The following RBFOX1 variants were observed in gnomAD, a reference collection of about 807,000 sequenced individuals.
RBFOX1 encodes RNA binding protein fox-1 homolog 1.
Under a neutral mutation model 57.7 loss-of-function variants are expected in RBFOX1, and 8 were observed. The ratio of observed to expected loss-of-function variants is 0.14; its 90% CI spans 0.08 to 0.25. RBFOX1 has a LOEUF of 0.25. RBFOX1 is among the 10% of genes least tolerant of loss of function. The pLI is 1.00. For missense variants in RBFOX1, 611 were observed against 548.5 expected (o/e 1.11, Z -1.14); for synonymous variants, 326 against 222.4 (o/e 1.47, Z -4.15).
rs565504604 is a variant in RBFOX1 at position 7,254,591 on chromosome 16, G to A, written c.27+202493G>A. ...CATTGTGTTCCAAAGGACCTCCCAG[G>A]TATATAATCCTCTCTGTTGCTACTT... is the stretch of plus-strand genomic sequence containing the variant. On this transcript the variant is annotated intron_variant, in intron 4 of 15. Transcript: ENST00000550418. Among the ~76,000 whole-genome samples the A allele has an allele frequency of 2.1e-3, 312 of 151,824 alleles. 2 individuals carry two copies. Among genetic ancestry groups the A allele is most frequent in the African/African-American group, 7.3e-3 (303 of 41,394 alleles).
intron 3 of RBFOX1, among the ~76,000 whole-genome samples, chr16:6,715,010 G>A (rs759552143): frequency 4.6e-5 from 7 of 152,130 alleles, no homozygotes; most frequent in Non-Finnish European, 1.0e-4. Context: ...AGGAGTTGGA[G>A]GTCTAGGAAG....
chr16:6,221,024 G>A (rs1329918193), intron 1 of RBFOX1, among the ~76,000 whole-genome samples: 1 of 151,996 alleles, frequency 6.6e-6, no homozygotes, highest in Admixed American at 6.6e-5. Flanking sequence ...TATATTAGGT[G>A]AAATTAAATT....
intron 3 of RBFOX1, among the ~76,000 whole-genome samples, chr16:6,933,079 CCTGT>C (rs1386275767): frequency 3.3e-5 from 5 of 152,180 alleles, no homozygotes; most frequent in African/African-American, 9.7e-5. Context: ...AGATTTCTTC[CCTGT>C]CTAAGGATGA....
chr16:7,488,576 C>T (rs1349719606), intron 4 of RBFOX1, among the ~76,000 whole-genome samples: 2 of 151,948 alleles, frequency 1.3e-5, no homozygotes, highest in Non-Finnish European at 2.9e-5. Context: ...TATGTTTATC[C>T]ATTCTGACAT....
intron 4 of RBFOX1, among the ~76,000 whole-genome samples, chr16:5,924,603 C>G (rs1427781595): frequency 6.6e-6 from 1 of 152,156 alleles, no homozygotes; most frequent in East Asian, 1.9e-4. Context: ...TAGCCTGAAG[C>G]CCTCAGCAGA....
intron 2 of RBFOX1, among the ~76,000 whole-genome samples, chr16:6,536,233 G>T (rs1455993259): frequency 6.6e-6 from 1 of 152,046 alleles, no homozygotes; most frequent in African/African-American, 2.4e-5. Context: ...TTGCTTCCTT[G>T]GACTTCAGAT....
At chr16:6,976,087 A>C (rs145608964) in intron 3 of RBFOX1, among the ~76,000 whole-genome samples, 2 of 152,324 alleles carry the variant, frequency 1.3e-5, no homozygotes, top group East Asian at 1.9e-4. Context: ...AGATCGTCCC[A>C]CTGCAGTTCA....
rs115688206 is a variant in RBFOX1, at chr16:5,575,124, C to T, written c.259-23778C>T. ...TTTTATTACCTTGGAAGTGCCTTTG[C>T]GTTATGAAGGGGATGGATTTCATTA... On this transcript the variant is annotated intron_variant, in intron 2 of 2. Coordinates refer to the RBFOX1 transcript ENST00000585867. Among the ~76,000 whole-genome samples, 843 of 152,230 alleles carry T rather than the reference C, an allele frequency of 5.5e-3. 11 individuals carry two copies. Among genetic ancestry groups the T allele is most frequent in the African/African-American group, 0.019 (807 of 41,546 alleles).
intron 3 of RBFOX1, among the ~76,000 whole-genome samples, chr16:5,632,096 C>T (rs1180341400): frequency 1.3e-5 from 2 of 152,324 alleles, no homozygotes; most frequent in South Asian, 2.1e-4. Flanking sequence ...AGAGGAAGGG[C>T]ATCTGTGTGT....
At chr16:6,558,756 A>G (rs2097139105) in intron 2 of RBFOX1, among the ~76,000 whole-genome samples, 1 of 151,968 alleles carries the variant, frequency 6.6e-6, no homozygotes, top group Non-Finnish European at 1.5e-5. Context: ...AGCTAAGATG[A>G]TTAACATGCT....
intron 3 of RBFOX1, among the ~76,000 whole-genome samples, chr16:6,849,295 T>C (rs1034765658): frequency 6.6e-6 from 1 of 152,204 alleles, no homozygotes; most frequent in Non-Finnish European, 1.5e-5. Flanking sequence ...ATTCTGCTCA[T>C]TGGCAAAAAT....
At chr16:5,407,479 G>T (rs183158504) in intron 1 of RBFOX1, among the ~76,000 whole-genome samples, 2 of 152,100 alleles carry the variant, frequency 1.3e-5, no homozygotes, top group African/African-American at 2.4e-5. Flanking sequence ...GCTTGTGGAC[G>T]GAGTGTGGAG....
chr16:6,898,198 A>G (rs1440388368), intron 3 of RBFOX1, among the ~76,000 whole-genome samples: 1 of 152,140 alleles, frequency 6.6e-6, no homozygotes, highest in African/African-American at 2.4e-5. Flanking sequence ...CTTACAGTCC[A>G]TTGTGGAGTT....
intron 4 of RBFOX1, among the ~76,000 whole-genome samples, chr16:7,329,816 C>G (rs1192738591): frequency 6.6e-6 from 1 of 152,134 alleles, no homozygotes; most frequent in Non-Finnish European, 1.5e-5. Flanking sequence ...AAGAAGAAAA[C>G]AGAAAATATC....
chr16:6,160,432 C>G (rs1053661595), intron 1 of RBFOX1, among the ~76,000 whole-genome samples: 1 of 152,114 alleles, frequency 6.6e-6, no homozygotes, highest in African/African-American at 2.4e-5. Context: ...GGGAAGTCAA[C>G]CTTGATGCTT....
chr16:7,155,734 TATATACACAC>T (rs1179081329), intron 4 of RBFOX1, among the ~76,000 whole-genome samples: 5 of 82,468 alleles, frequency 6.1e-5, no homozygotes, highest in African/African-American at 1.1e-4. Flanking sequence ...TATATATATA[TATATACACAC>T]ACACACACAC....
intron 4 of RBFOX1, among the ~76,000 whole-genome samples, chr16:7,155,494 G>C (rs1428207846): frequency 6.6e-6 from 1 of 151,180 alleles, no homozygotes; most frequent in Non-Finnish European, 1.5e-5. Context: ...TCCTTGGGAG[G>C]CTAAAATGGG....
At chr16:7,301,503 A>G (rs1603592679) in intron 4 of RBFOX1, among the ~76,000 whole-genome samples, 1 of 152,342 alleles carries the variant, frequency 6.6e-6, no homozygotes, top group African/African-American at 2.4e-5. Context: ...GTGGGGATCT[A>G]ATCACTACTG....
chr16:5,567,045 C>G (rs1425688535), intron 2 of RBFOX1, among the ~76,000 whole-genome samples: 1 of 152,180 alleles, frequency 6.6e-6, no homozygotes, highest in Non-Finnish European at 1.5e-5. Context: ...GTTTTTCTGC[C>G]TCAGGTCCTA....
Sources: allele counts gnomAD v4.1 joint callset (sites outside exome capture counted in the v4.1 genomes callset), GRCh38; gene constraint gnomAD v4.1.1; transcripts MANE v1.5; gene names NCBI Gene and HGNC (gene_info 2026-07-23, HGNC 2026-07-21).